Variants in THBS1 observed in about 807,000 individuals in gnomAD.
The protein encoded by THBS1 is thrombospondin-1.
THBS1 carries 29 observed loss-of-function variants against 126.1 expected under a neutral mutation model. The observed-to-expected ratio is 0.23, with a 90% CI of 0.17 to 0.31. THBS1 has a LOEUF of 0.31. Ranked by LOEUF, THBS1 falls within the 10% of genes least tolerant of loss-of-function variation. THBS1 has a pLI of 1.00. For missense variants in THBS1, 1,198 were observed against 1,545.2 expected, an observed-to-expected ratio of 0.78 and a Z score of 3.77; for synonymous variants, 496 against 577.8, an observed-to-expected ratio of 0.86 and a Z score of 2.03.
Position 39,593,906 on chromosome 15 carries a change from C to T in THBS1, c.3268-193C>T, listed in dbSNP as rs1214181054. 1.2e-6 allele frequency: 1 copy of T among 868,150 alleles called. No homozygotes were observed. Among genetic ancestry groups the T allele is most frequent in the Non-Finnish European group, 1.7e-6 (1 of 580,778 alleles). 53.8% of individuals were successfully genotyped at this position (868,150 alleles called of 1,614,324 possible). A position where few individuals can be genotyped will look rare whatever the true frequency, so the allele number is the denominator to read the frequency against. ...CTTTTCAAACAAAAAAACCTCCTTC[C>T]CTCCTCTCTGTCTGCTTTATATGTG... On this transcript the variant is annotated intron_variant, in intron 19 of 21. Coordinates refer to ENST00000260356, the MANE Select transcript of THBS1 (RefSeq NM_003246.4). This position sits in a 1 kb window ranked among gnomAD's most constrained non-coding sequence, Gnocchi z 5.9.
In THBS1 at chr15:39,592,502, C is replaced by T; in HGVS notation, c.2533-66C>T. 7.5e-7 allele frequency: 1 copy of T among 1,333,062 alleles called. No individual in the cohort carries two copies. Among genetic ancestry groups the T allele is most frequent in the East Asian group, 2.5e-5 (1 of 39,800 alleles). 82.6% of individuals were successfully genotyped at this position (1,333,062 alleles called of 1,614,324 possible). The stretch of plus-strand genomic sequence containing the variant: ...TGGAGAATTTTCCCTGTGGTGGGGG[C>T]ATAAGTTATCTTTAACATGAATGGT... On this transcript the variant is annotated intron_variant, in intron 16 of 21. Transcript: ENST00000260356. The surrounding 1 kb of genome is among the most constrained non-coding windows in gnomAD (Gnocchi z 4.3).
chr15:39,589,798 C>A lies in THBS1; in HGVS notation c.1927-7C>A. ...CTCTGTGTAACAGCAGCATGGTGTACCCTCAGGTGTGCAAGCCCCGTAACC... is the reference window on the plus strand; with the variant it reads ...CTCTGTGTAACAGCAGCATGGTGTAACCTCAGGTGTGCAAGCCCCGTAACC... On this transcript the variant is annotated splice_region_variant and splice_polypyrimidine_tract_variant and intron_variant, in intron 12 of 21. Transcript: ENST00000260356. The surrounding 1 kb of genome is among the most constrained non-coding windows in gnomAD (Gnocchi z 4.7). The A allele has an allele frequency of 6.2e-7, 1 of 1,600,848 alleles. No individual in the cohort carries two copies.
Position 39,588,048 on chromosome 15 carries a change from A to G in THBS1, c.1301A>G (p.Gln434Arg). The G allele has an allele frequency of 6.2e-7, 1 of 1,613,972 alleles. No individual in the cohort carries two copies. The highest frequency in any genetic ancestry group is 8.5e-7 in the Non-Finnish European group (1 of 1,179,928). Residue 434 changes from glutamine to arginine, a missense_variant, in exon 9 of 22, where the codon CAG becomes CGG. Transcript: ENST00000260356. ...HIQECDKRFK[Q>R]DGGWSHWSPW... is the part of the protein sequence containing the mutation. The stretch of plus-strand genomic sequence containing the variant: ...CATCAACTCTGTACTTTAGTTAAAC[A>G]GGATGGTGGCTGGAGCCACTGGTCC...
rs1208968829 is a variant in THBS1, at chr15:39,593,708, G to C, written c.3267+40G>C. 5 of 1,603,198 alleles carry C rather than the reference G, an allele frequency of 3.1e-6. No individual in the cohort carries two copies. Among genetic ancestry groups the C allele is most frequent in the Non-Finnish European group, 4.3e-6 (5 of 1,174,730 alleles). ...CCTGGAACAGAGAGAGAGCTTATGG[G>C]TGCCTGACTAGCACTGGGGATGCTG... On this transcript the variant is annotated intron_variant, in intron 19 of 21. Coordinates refer to ENST00000260356, the MANE Select transcript of THBS1 (RefSeq NM_003246.4). This position sits in a 1 kb window ranked among gnomAD's most constrained non-coding sequence, Gnocchi z 5.9.
rs1310595005 is a variant in THBS1 at position 39,589,480 on chromosome 15, G to A, written c.1926+126G>A. The A allele has an allele frequency of 1.2e-5, 15 of 1,259,226 alleles. No homozygotes were observed. The highest frequency in any genetic ancestry group is 5.5e-5 in the Admixed American group (2 of 36,476). The allele number at this position is 1,259,226 out of a possible 1,614,324, so 78.0% of individuals were successfully genotyped here. On this transcript the variant is annotated intron_variant, in intron 12 of 21. Transcript: ENST00000260356. The surrounding 1 kb of genome is among the most constrained non-coding windows in gnomAD (Gnocchi z 4.7). The stretch of plus-strand genomic sequence containing the variant: ...AAAAAGGGCGAGGAGATGAATGTAC[G>A]GTCTAGTTTTAGAAACGTGATTAGA...
chr15:39,589,902 G>T lies in THBS1; in HGVS notation c.2024G>T (p.Arg675Leu). 1.2e-6 allele frequency: 2 copies of T among 1,614,182 alleles called. No individual in the cohort carries two copies. Among genetic ancestry groups the T allele is most frequent in the Admixed American group, 1.7e-5 (1 of 60,024 alleles). ...GGCCACTATAGCGACCCCATGTACC[G>T]CTGCGAGTGCAAGCCTGGCTACGCT... Reference protein sequence around the residue: ...YLGHYSDPMYRCECKPGYAGN... With the variant: ...YLGHYSDPMYLCECKPGYAGN... Residue 675 changes from arginine to leucine, a missense_variant, in exon 13 of 22, where the codon CGC (arginine) becomes CTC (leucine). Arg to Leu is a moderately radical substitution (Grantham distance 102, BLOSUM62 -2). Around this residue, in one of 4 missense-constraint regions of THBS1, gnomAD observed 663 missense variants for 860.1 expected, o/e 0.77. Coordinates refer to ENST00000260356, the MANE Select transcript of THBS1 (RefSeq NM_003246.4). The surrounding 1 kb of genome is among the most constrained non-coding windows in gnomAD (Gnocchi z 4.7).
At position 39,588,554 on chromosome 15, in the gene THBS1, A is replaced by G. The variant is rs1890256335; in HGVS notation, c.1500A>G (p.Pro500=). The G allele has an allele frequency of 2.5e-6, 4 of 1,578,162 alleles. No individual in the cohort carries two copies. Among genetic ancestry groups the G allele is most frequent in the Non-Finnish European group, 3.4e-6 (4 of 1,165,536 alleles). Residue 500 remains proline (P), a synonymous_variant, in exon 10 of 22, where the codon CCA becomes CCG. Transcript: ENST00000260356. ...ATGGAGGCTGGGGTCCTTGGTCACC[A>G]TGGGACATCTGTTCTGTCACCTGTG... ...PINGGWGPWS[P]WDICSVTCGG...
rs1595517683 is a variant in THBS1, at chr15:39,598,701, G to A, written c.*3332G>A. 6.6e-6 allele frequency: 1 copy of A among 152,116 alleles called. No homozygotes were observed. Among genetic ancestry groups the A allele is most frequent in the East Asian group, 1.9e-4 (1 of 5,196 alleles). The allele number at this position is 152,116 out of a possible 1,614,324, so 9.4% of individuals were successfully genotyped here. A position where few individuals can be genotyped will look rare whatever the true frequency, so the allele number is the denominator to read the frequency against. On this transcript the variant is annotated 3_prime_UTR_variant, in exon 22 of 22. Transcript: ENST00000260356. ...TGTTAAAAATTAAAATTATGTCATC[G>A]AGATGATAGCTTTTTTCCTCCTCCA...
intron 7 of THBS1, among the ~76,000 whole-genome samples, chr15:39,585,881 A>T (rs1346506597): frequency 6.6e-6 from 1 of 152,166 alleles, no homozygotes; most frequent in Admixed American, 6.5e-5. Flanking sequence ...CTGCTTTTAG[A>T]ATTTGACCTT....
Position 39,591,609 on chromosome 15 carries a change from C to T in THBS1, c.2518C>T (p.His840Tyr). 6.2e-7 allele frequency: 1 copy of T among 1,614,142 alleles called. No homozygotes were observed. The highest frequency in any genetic ancestry group is 8.5e-7 in the Non-Finnish European group (1 of 1,179,958). ...GDQCDNCPLE[H>Y]NPDQLDSDSD... is the part of the protein sequence containing the mutation. ...TCAGTGTGACAATTGCCCCTTGGAA[C>T]ACAATCCGGATCAGGTAGGTGGATG... is the stretch of plus-strand genomic sequence containing the variant. Residue 840 changes from histidine to tyrosine, a missense_variant, in exon 16 of 22, where the codon CAC becomes TAC. Coordinates refer to ENST00000260356, the MANE Select transcript of THBS1 (RefSeq NM_003246.4).
intron 3 of THBS1, 119 bp from the exon 4 acceptor site, chr15:39,583,498 G>A (rs1470486473): frequency 5.4e-6 from 4 of 745,852 alleles, no homozygotes; most frequent in South Asian, 2.3e-5. Flanking sequence ...TCTTAAGACA[G>A]CTCTTTGAAG....
intron 6 of THBS1, 61 bp downstream of exon 6, chr15:39,584,483 G>A: frequency 6.2e-7 from 1 of 1,602,180 alleles, no homozygotes; most frequent in Non-Finnish European, 8.5e-7. Context: ...CTACATCTTT[G>A]GGGAAATACC....
At chr15:39,585,375 C>A in intron 6 of THBS1, 95 bp from the exon 7 acceptor site, 4 of 1,101,442 alleles carry the variant, frequency 3.6e-6, no homozygotes, top group Non-Finnish European at 5.5e-6. Flanking sequence ...CAGCCCTGAC[C>A]ATGTTTTGGC....
rs759542186 is a variant in THBS1, at chr15:39,591,299, A to T, written c.2362A>T (p.Thr788Ser). The T allele has an allele frequency of 5.0e-6, 8 of 1,614,236 alleles. No homozygotes were observed. The highest frequency in any genetic ancestry group is 5.1e-6 in the Non-Finnish European group (6 of 1,180,028). Residue 788 changes from threonine (T) to serine (S), a missense_variant, in exon 15 of 22, where the codon ACA (threonine) becomes TCA (serine). Transcript: ENST00000260356. ...CAACCACAACCCAGATCAGGCAGAC[A>T]CAGACAACAATGGGGAAGGAGACGC... is the stretch of plus-strand genomic sequence containing the variant. ...PYNHNPDQADTDNNGEGDACA... is the reference protein window; with the variant it reads ...PYNHNPDQADSDNNGEGDACA...
At position 39,589,449 on chromosome 15, in the gene THBS1, C is replaced by G. The variant is rs1482210748; in HGVS notation, c.1926+95C>G. On this transcript the variant is annotated intron_variant, in intron 12 of 21. Transcript: ENST00000260356. The surrounding 1 kb of genome is among the most constrained non-coding windows in gnomAD (Gnocchi z 4.7). Reference sequence around the variant, plus strand: ...AGGAATGTAATTTCATACCCTTCACCAAAAAAAAAAGGGCGAGGAGATGAA... The same window carrying G: ...AGGAATGTAATTTCATACCCTTCACGAAAAAAAAAAGGGCGAGGAGATGAA... 1.0e-6 allele frequency: 1 copy of G among 959,500 alleles called. No homozygotes were observed. Among genetic ancestry groups the G allele is most frequent in the Non-Finnish European group, 1.4e-6 (1 of 730,290 alleles). 59.4% of individuals were successfully genotyped at this position (959,500 alleles called of 1,614,324 possible). A position where few individuals can be genotyped will look rare whatever the true frequency, so the allele number is the denominator to read the frequency against.
Position 39,588,144 on chromosome 15 carries a change from G to A in THBS1, c.1397G>A (p.Ser466Asn). The A allele has an allele frequency of 1.2e-6, 2 of 1,614,188 alleles. No homozygotes were observed. The highest frequency in any genetic ancestry group is 8.5e-7 in the Non-Finnish European group (1 of 1,180,034). The change falls in exon 9 of 22, where the codon AGC becomes AAC. Residue 466 changes from serine (S) to asparagine (N), a missense_variant. Ser to Asn is a conservative substitution (Grantham distance 46). This residue lies in a region of THBS1 where 663 missense variants were observed against 860.1 expected (regional missense o/e 0.77). Transcript: ENST00000260356. ...AGGATCCGGCTCTGCAACTCTCCCA[G>A]CCCCCAGATGAACGGGAAACCCTGT... ...ITRIRLCNSP[S>N]PQMNGKPCEG...
Position 39,592,299 on chromosome 15 carries a change from C to CAAATAA in THBS1, c.2533-269_2533-268insAAATAA, listed in dbSNP as rs772156616. Among the ~76,000 whole-genome samples, 20 of 152,190 alleles carry CAAATAA rather than the reference C, an allele frequency of 1.3e-4. No homozygotes were observed. The highest frequency in any genetic ancestry group is 2.2e-4 in the Non-Finnish European group (15 of 68,026). On this transcript the variant is annotated intron_variant, in intron 16 of 21. Coordinates refer to ENST00000260356, the MANE Select transcript of THBS1 (RefSeq NM_003246.4). The surrounding 1 kb of genome is among the most constrained non-coding windows in gnomAD (Gnocchi z 4.3). Reference sequence around the variant, plus strand: ...TCATCTTTAGTAATTAAATATCACTCTATTTGACCTTATTTAGAAAGTTTT... The same window carrying CAAATAA: ...TCATCTTTAGTAATTAAATATCACTCAAATAATATTTGACCTTATTTAGAAAGTTTT...
chr15:39,591,441 G>C (rs1220666021), intron 15 of THBS1, 64 bp from the exon 16 acceptor site: 1 of 1,608,884 alleles, frequency 6.2e-7, no homozygotes, highest in Non-Finnish European at 8.5e-7. Context: ...CTATTAGTAT[G>C]CACTTTGGTG....
chr15:39,582,007 C>T (rs1890117115), intron 2 of THBS1, 83 bp downstream of exon 2: 1 of 1,469,040 alleles, frequency 6.8e-7, no homozygotes, highest in East Asian at 2.3e-5. Flanking sequence ...CACGTGCTGT[C>T]CTCTCCCTCT....
Sources: allele counts gnomAD v4.1 joint callset (sites outside exome capture counted in the v4.1 genomes callset), GRCh38; gene constraint gnomAD v4.1.1; regional missense constraint gnomAD v4.1.1; non-coding constraint Gnocchi (gnomAD v3.1); transcripts MANE v1.5; gene names NCBI Gene and HGNC (gene_info 2026-07-23, HGNC 2026-07-21).